Variants in ARHGAP24 observed in about 807,000 individuals in gnomAD.
ARHGAP24 encodes Rho GTPase activating protein 24.
A neutral mutation model predicts 76.4 loss-of-function variants in ARHGAP24; 50 were observed. The observed-to-expected ratio is 0.65, with a 90% confidence interval of 0.52 to 0.83. ARHGAP24 has a LOEUF of 0.83. Ranked by LOEUF, ARHGAP24 falls within the 40% of genes least tolerant of loss-of-function variation. The pLI, the probability that ARHGAP24 is intolerant of heterozygous loss-of-function variation, is 0.00. For synonymous variants in ARHGAP24, 345 were observed against 323.3 expected (o/e 1.07, Z -0.72); for missense variants, 930 against 914.2 (o/e 1.02, Z -0.22).
chr4:85,779,750 G>A (rs1040147810), intron 3 of ARHGAP24, among the ~76,000 whole-genome samples: 4 of 151,868 alleles, frequency 2.6e-5, no homozygotes, highest in Admixed American at 1.3e-4. Flanking sequence ...AGCCCAATGC[G>A]GCACAGAAAA....
At chr4:85,572,060 A>G (rs1727160699) in intron 2 of ARHGAP24, among the ~76,000 whole-genome samples, 1 of 152,178 alleles carries the variant, frequency 6.6e-6, no homozygotes, top group Non-Finnish European at 1.5e-5. Flanking sequence ...TTTACAGAGG[A>G]GGAAACTGTG....
chr4:85,936,509 T>A (rs1010138284), intron 4 of ARHGAP24, among the ~76,000 whole-genome samples: 2 of 152,104 alleles, frequency 1.3e-5, no homozygotes, highest in Middle Eastern at 3.4e-3. Context: ...TGCCTAAACC[T>A]CTCCGAAGCT....
In ARHGAP24 at chr4:85,995,531, G is replaced by A. The variant is rs758035552; in HGVS notation, c.1877G>A (p.Ser626Asn). 3 of 1,608,576 alleles carry A rather than the reference G, an allele frequency of 1.9e-6. No individual in the cohort carries two copies. Among genetic ancestry groups the A allele is most frequent in the African/African-American group, 1.3e-5 (1 of 74,818 alleles). ...VGGRSSRATS[S>N]SDNSETFVGN... is the part of the protein sequence containing the mutation. ...GGTCGAAGTAGTCGTGCCACCAGTAGCAGTGACAACAGTGAGACATTTGTG... is the reference window on the plus strand; with the variant it reads ...GGTCGAAGTAGTCGTGCCACCAGTAACAGTGACAACAGTGAGACATTTGTG... Residue 626 changes from serine (S) to asparagine (N), a missense_variant, in exon 9 of 10, where the codon AGC (serine) becomes AAC (asparagine). By Grantham distance (46) the Ser-to-Asn change is conservative. Transcript: ENST00000395184.
chr4:85,659,822 C>T (rs1722311501), intron 2 of ARHGAP24, among the ~76,000 whole-genome samples: 2 of 152,276 alleles, frequency 1.3e-5, no homozygotes, highest in South Asian at 2.1e-4. Flanking sequence ...TTTCATTCCT[C>T]CCCTATTCTG....
chr4:85,977,550 C>A lies in ARHGAP24; in HGVS notation c.807-20C>A. 6.2e-7 allele frequency: 1 copy of A among 1,611,354 alleles called. No homozygotes were observed. Among genetic ancestry groups the A allele is most frequent in the South Asian group, 1.1e-5 (1 of 90,744 alleles). On this transcript the variant is annotated intron_variant, in intron 7 of 9. Coordinates refer to ENST00000395184, the MANE Select transcript of ARHGAP24 (RefSeq NM_001025616.3). Reference sequence around the variant, plus strand: ...AAATTTGATCCCATTGTATTTCAATCATATGCTTATACTCCATAGATTCTT... The same window carrying A: ...AAATTTGATCCCATTGTATTTCAATAATATGCTTATACTCCATAGATTCTT...
rs143217324 is a variant in ARHGAP24 at position 85,527,683 on chromosome 4, T to G, written c.-20-42839T>G. Among the ~76,000 whole-genome samples, 116 of 152,196 alleles carry G rather than the reference T, an allele frequency of 7.6e-4. 3 individuals carry two copies. In the East Asian group the frequency reaches 0.021, roughly 28 times the overall value. The stretch of plus-strand genomic sequence containing the variant: ...GGGAGGACAACTTAATGTTTTGTTT[T>G]TATTTTTGTTTTTTGTATACTCATT... On this transcript the variant is annotated intron_variant, in intron 1 of 9. Coordinates refer to ENST00000395184, the MANE Select transcript of ARHGAP24 (RefSeq NM_001025616.3).
At chr4:85,779,059 T>G (rs1029626292) in intron 3 of ARHGAP24, 3 of 859,224 alleles carry the variant, frequency 3.5e-6, no homozygotes, top group Non-Finnish European at 4.2e-6. Context: ...CCTCTTCACC[T>G]CTATTTTGAG....
rs555531071 is a variant in ARHGAP24 at position 85,885,513 on chromosome 4, GTCT to G, written c.269-38133_269-38131del. Among the ~76,000 whole-genome samples, 144 of 152,090 alleles carry G rather than the reference GTCT, an allele frequency of 9.5e-4. 1 individual carries two copies. The highest frequency in any genetic ancestry group is 6.8e-3 in the Middle Eastern group (2 of 292). ...AGGTATTTTTAGAATCTTCAAGGTC[GTCT>G]TTTTGAAAGGTTATTAAGTGTCTCT... On this transcript the variant is annotated intron_variant, in intron 3 of 9. Coordinates refer to ENST00000395184, the MANE Select transcript of ARHGAP24 (RefSeq NM_001025616.3).
chr4:85,635,122 T>C (rs143764344), intron 2 of ARHGAP24, among the ~76,000 whole-genome samples: 82 of 152,054 alleles, frequency 5.4e-4, no homozygotes, highest in African/African-American at 1.9e-3. Flanking sequence ...TAAAAACTAC[T>C]TTGTAATTAA....
At chr4:85,635,139 C>T (rs1342119731) in intron 2 of ARHGAP24, among the ~76,000 whole-genome samples, 1 of 151,854 alleles carries the variant, frequency 6.6e-6, no homozygotes, top group Non-Finnish European at 1.5e-5. Flanking sequence ...TTAATGCCCT[C>T]CTAAATCACC....
chr4:85,979,320 G>A (rs144771439), intron 8 of ARHGAP24, among the ~76,000 whole-genome samples: 312 of 152,064 alleles, frequency 2.1e-3, no homozygotes, highest in African/African-American at 5.0e-3. Context: ...TCGTTATTGT[G>A]GTAAAACACA....
At chr4:85,754,036 G>A (rs926038623) in intron 3 of ARHGAP24, among the ~76,000 whole-genome samples, 4 of 151,724 alleles carry the variant, frequency 2.6e-5, no homozygotes, top group Admixed American at 6.6e-5. Flanking sequence ...ACTCTGTTTT[G>A]GACCCCTTAA....
intron 2 of ARHGAP24, among the ~76,000 whole-genome samples, chr4:85,584,646 A>G (rs1727771392): frequency 6.6e-6 from 1 of 152,146 alleles, no homozygotes; most frequent in Non-Finnish European, 1.5e-5. Context: ...AAAACGAGGC[A>G]TACAGTGAAA....
chr4:85,875,930 A>C (rs1256032793), intron 3 of ARHGAP24, among the ~76,000 whole-genome samples: 1 of 151,622 alleles, frequency 6.6e-6, no homozygotes, highest in Admixed American at 6.6e-5. Context: ...TTTAGTAGAC[A>C]CAGGGTTTCA....
At chr4:85,876,665 C>T (rs1732954555) in intron 3 of ARHGAP24, among the ~76,000 whole-genome samples, 1 of 152,146 alleles carries the variant, frequency 6.6e-6, no homozygotes, top group African/African-American at 2.4e-5. Context: ...ATAAAAATAA[C>T]ATAAAATCAA....
At chr4:85,779,622 G>A (rs1727449055) in intron 3 of ARHGAP24, among the ~76,000 whole-genome samples, 1 of 151,466 alleles carries the variant, frequency 6.6e-6, no homozygotes, top group African/African-American at 2.4e-5. Flanking sequence ...TTTTAATGAA[G>A]CTTATCTTAG....
chr4:85,822,413 G>A (rs1729513561), intron 3 of ARHGAP24, among the ~76,000 whole-genome samples: 1 of 152,142 alleles, frequency 6.6e-6, no homozygotes, highest in Non-Finnish European at 1.5e-5. Flanking sequence ...TAATTAACAG[G>A]CTGTTTGTTG....
At chr4:85,705,033 C>G (rs76630271) in intron 2 of ARHGAP24, among the ~76,000 whole-genome samples, 3,980 of 152,054 alleles carry the variant, frequency 0.026, 81 homozygotes, top group Non-Finnish European at 0.04. Flanking sequence ...ACCTATTCTT[C>G]ACATTTAAAC....
intron 2 of ARHGAP24, among the ~76,000 whole-genome samples, chr4:85,629,120 A>G (rs554631353): frequency 1.3e-5 from 2 of 152,158 alleles, no homozygotes; most frequent in South Asian, 2.1e-4. Context: ...ATCTTTTGTG[A>G]ATACACTGCA....
Sources: gnomAD v4.1 joint callset for allele counts (sites outside exome capture counted in the v4.1 genomes callset) on GRCh38, gnomAD v4.1.1 for gene constraint, MANE v1.5 for transcripts, NCBI Gene and HGNC (gene_info 2026-07-23, HGNC 2026-07-21) for gene names.